Variants in RIMS3 observed in about 807,000 individuals in gnomAD.
RIMS3 encodes the protein regulating synaptic membrane exocytosis 3.
A neutral mutation model predicts 29.2 loss-of-function variants in RIMS3; 15 were observed. The observed-to-expected ratio is 0.51, with a 90% CI of 0.34 to 0.79. RIMS3 has a LOEUF of 0.79. Among genes scored for constraint, RIMS3 ranks in the 30% least tolerant of loss-of-function variants. The pLI is 0.01. For missense variants in RIMS3, 342 were observed against 421.4 expected (o/e 0.81, Z 1.65); for synonymous variants, 161 against 170.1 (o/e 0.95, Z 0.41).
chr1:40,652,592 A>C (rs1377733978), intron 1 of RIMS3, among the ~76,000 whole-genome samples: 1 of 152,140 alleles, frequency 6.6e-6, no homozygotes, highest in Non-Finnish European at 1.5e-5. Flanking sequence ...CCAGGGAGAA[A>C]ACGTTGTGTT....
the RIMS3 span, chr1:40,673,321 A>T: frequency 6.6e-6 from 1 of 152,162 alleles, no homozygotes; most frequent in Non-Finnish European, 1.5e-5. Flanking sequence ...TTTACCATGC[A>T]CTCTCAGAGT....
intron 7 of RIMS3, 96 bp from the exon 8 acceptor site, chr1:40,626,825 T>C (rs1646457845): frequency 9.0e-7 from 1 of 1,107,188 alleles, no homozygotes; most frequent in Non-Finnish European, 1.4e-6. Context: ...AGGGCACAGA[T>C]GGAGCAGAGG....
chr1:40,631,257 G>A (rs557298083), intron 5 of RIMS3, among the ~76,000 whole-genome samples: 1 of 152,174 alleles, frequency 6.6e-6, no homozygotes, highest in Non-Finnish European at 1.5e-5. Context: ...GGGAGGTTCT[G>A]TCTGAGAGCT....
At chr1:40,670,705 C>T in the RIMS3 span, among the ~76,000 whole-genome samples, 1 of 149,856 alleles carries the variant, frequency 6.7e-6, no homozygotes, top group Non-Finnish European at 1.5e-5. Flanking sequence ...TCTTCTGCCT[C>T]AGCCTCCTGG....
At chr1:40,641,019 A>G (rs764479883) in intron 3 of RIMS3, among the ~76,000 whole-genome samples, 1 of 152,242 alleles carries the variant, frequency 6.6e-6, no homozygotes, top group Non-Finnish European at 1.5e-5. Context: ...ATGTAACTGC[A>G]CAAGTCACAC....
intron 4 of RIMS3, among the ~76,000 whole-genome samples, chr1:40,634,509 C>T (rs1188731532): frequency 6.6e-6 from 1 of 152,138 alleles, no homozygotes; most frequent in Non-Finnish European, 1.5e-5. Context: ...AATCAAATGG[C>T]CTTAATTCCA....
chr1:40,685,286 AAT>A, the RIMS3 span, among the ~76,000 whole-genome samples: 17,302 of 77,798 alleles, frequency 0.22, 1,178 homozygotes, highest in African/African-American at 0.32. Flanking sequence ...ATAATTTATT[AAT>A]ATATATATTA....
intron 1 of RIMS3, among the ~76,000 whole-genome samples, chr1:40,649,122 C>T (rs943697186): frequency 2.0e-5 from 3 of 152,126 alleles, no homozygotes; most frequent in Non-Finnish European, 4.4e-5. Flanking sequence ...CACACAGCGG[C>T]GGCTCCTCTC....
In RIMS3 at chr1:40,641,818, C is replaced by T; in HGVS notation, c.108G>A (p.Gly36=). The change falls in exon 3 of 8, where the codon GGG becomes GGA. Residue 36 remains glycine, a synonymous_variant. Coordinates refer to ENST00000372684, the MANE Select transcript of RIMS3 (RefSeq NM_014747.3). ...GCTTCTTGGCGGTGGTGGTCCCAGC[C>T]CCGCCCCCGGCTTGCTGGGATCCGC... ...EICGSQQAGG[G]AGTTTAKKRR... is the part of the protein sequence containing the mutation. 1 of 1,612,964 alleles carries T rather than the reference C, an allele frequency of 6.2e-7. No individual in the cohort carries two copies. The highest frequency in any genetic ancestry group is 8.5e-7 in the Non-Finnish European group (1 of 1,178,990).
chr1:40,672,001 G>T, the RIMS3 span, among the ~76,000 whole-genome samples: 1 of 151,684 alleles, frequency 6.6e-6, no homozygotes, highest in African/African-American at 2.4e-5. Context: ...CAAGTGATCT[G>T]CCCACCTCAG....
the RIMS3 span, among the ~76,000 whole-genome samples, chr1:40,686,374 C>T: frequency 1.3e-5 from 2 of 151,890 alleles, no homozygotes; most frequent in Admixed American, 6.6e-5. Context: ...TTAATTTGGC[C>T]GGGCACAGTG....
chr1:40,639,240 G>GA (rs575896586), intron 3 of RIMS3, among the ~76,000 whole-genome samples: 24 of 152,318 alleles, frequency 1.6e-4, no homozygotes, highest in African/African-American at 5.8e-4. Context: ...AGGAGTGGGG[G>GA]CACCCTTCTA....
chr1:40,644,964 C>T (rs1646585129), intron 2 of RIMS3, among the ~76,000 whole-genome samples: 2 of 152,248 alleles, frequency 1.3e-5, no homozygotes, highest in African/African-American at 4.8e-5. Flanking sequence ...AGTCCCCAGA[C>T]AGCTGAGAAT....
Position 40,641,892 on chromosome 1 carries a change from C to T in RIMS3, c.34G>A (p.Gly12Arg), listed in dbSNP as rs143996051. Residue 12 changes from glycine to arginine, a missense_variant, in exon 3 of 8, where the codon GGG becomes AGG. Transcript: ENST00000372684. ...CTCCGCACCACATTCCTGGAGGCCC[C>T]AGATGAGGCAGGACCTGGCTCCCCG... Reference protein sequence around the residue: ...FNGEPGPASSGASRNVVRSSS... With the variant: ...FNGEPGPASSRASRNVVRSSS... 1.7e-3 allele frequency: 2,734 copies of T among 1,613,718 alleles called. 2 individuals are homozygous for T. Among genetic ancestry groups the T allele is most frequent in the Non-Finnish European group, 2.0e-3 (2,365 of 1,179,674 alleles).
intron 1 of RIMS3, among the ~76,000 whole-genome samples, chr1:40,651,094 C>T (rs1313129022): frequency 5.9e-5 from 9 of 152,122 alleles, no homozygotes; most frequent in Admixed American, 5.9e-4. Flanking sequence ...TGTACTGTCC[C>T]TGTGTGTTAT....
At chr1:40,684,554 G>A in the RIMS3 span, among the ~76,000 whole-genome samples, 6 of 152,208 alleles carry the variant, frequency 3.9e-5, no homozygotes, top group Non-Finnish European at 8.8e-5. Context: ...AGCTTTATAT[G>A]AGGGGCACAG....
rs751761795 is a variant in RIMS3, at chr1:40,633,078, G to A, written c.463C>T (p.Pro155Ser). Residue 155 changes from proline (P) to serine (S), a missense_variant, in exon 5 of 8, where the codon CCA becomes TCA. Coordinates refer to ENST00000372684, the MANE Select transcript of RIMS3 (RefSeq NM_014747.3). ...QIVGRQTLAT[P>S]PMGDVHIAIM... ...CCTTAATAAGACTCACCCATGGGTG[G>A]TGTTGCCAGTGTCTGTCGCCCCACA... The A allele has an allele frequency of 6.2e-7, 1 of 1,613,882 alleles. No individual in the cohort carries two copies. The highest frequency in any genetic ancestry group is 1.3e-5 in the African/African-American group (1 of 75,044).
At position 40,647,349 on chromosome 1, in the gene RIMS3, C is replaced by G. The variant is rs533342139; in HGVS notation, c.-32+319G>C. Among the ~76,000 whole-genome samples, 6 of 152,134 alleles carry G rather than the reference C, an allele frequency of 3.9e-5. No individual in the cohort carries two copies. In the South Asian group the frequency reaches 1.0e-3, roughly 26 times the overall value. ...ACCACCCCTCCCCATCCTCTACTCA[C>G]AGTGGACATCATTAACCTCTCTCTT... On this transcript the variant is annotated intron_variant, in intron 2 of 7. Transcript: ENST00000372684.
intron 2 of RIMS3, among the ~76,000 whole-genome samples, chr1:40,645,540 C>T (rs1646589433): frequency 6.6e-6 from 1 of 152,116 alleles, no homozygotes; most frequent in African/African-American, 2.4e-5. Flanking sequence ...GGTCTCTGGG[C>T]CCTTTGAGAA....
Sources: allele counts gnomAD v4.1 joint callset (sites outside exome capture counted in the v4.1 genomes callset), GRCh38; gene constraint gnomAD v4.1.1; transcripts MANE v1.5; gene names NCBI Gene and HGNC (gene_info 2026-07-23, HGNC 2026-07-21).